The following TAFA1 variants were observed in gnomAD, a reference collection of about 807,000 sequenced individuals.
TAFA1 encodes chemokine-like protein TAFA-1.
Under a neutral mutation model 18.5 loss-of-function variants are expected in TAFA1, and 4 were observed. The observed-to-expected ratio is 0.22, with a 90% confidence interval of 0.11 to 0.49. The LOEUF is 0.49. Among genes scored for constraint, TAFA1 ranks in the 20% least tolerant of loss-of-function variants. The probability of loss-of-function intolerance (pLI) is 0.98; values close to 1 mark genes in which losing one functional copy is unlikely to be tolerated. For synonymous variants in TAFA1, 56 were observed against 55.2 expected (o/e 1.01, Z -0.06); for missense variants, 147 against 169.0 (o/e 0.87, Z 0.72).
At chr3:68,461,548 A>G (rs780039620) in intron 3 of TAFA1, among the ~76,000 whole-genome samples, 10 of 151,576 alleles carry the variant, frequency 6.6e-5, no homozygotes, top group Middle Eastern at 6.8e-3. Context: ...GAAGCTTTCA[A>G]TTAGTATACC....
chr3:68,348,569 A>G (rs115798242), intron 2 of TAFA1, among the ~76,000 whole-genome samples: 2,091 of 152,254 alleles, frequency 0.014, 49 homozygotes, highest in African/African-American at 0.048. Context: ...CAGATGTTAG[A>G]GGAGGGAACA....
upstream of TAFA1, among the ~76,000 whole-genome samples, chr3:68,002,681 T>A (rs1400307154): frequency 6.6e-6 from 1 of 152,226 alleles, no homozygotes; most frequent in Non-Finnish European, 1.5e-5. Flanking sequence ...TTTTTGGATT[T>A]TTTTTCCATT....
intron 2 of TAFA1, among the ~76,000 whole-genome samples, chr3:68,270,129 G>A (rs930053052): frequency 6.6e-6 from 1 of 152,126 alleles, no homozygotes; most frequent in African/African-American, 2.4e-5. Context: ...TTTGACGGAA[G>A]TAGATTTCAA....
intron 3 of TAFA1, among the ~76,000 whole-genome samples, chr3:68,494,511 C>T (rs1242024881): frequency 6.6e-6 from 1 of 152,134 alleles, no homozygotes; most frequent in Non-Finnish European, 1.5e-5. Context: ...GCAGGTGTGG[C>T]CTGAAAGTTC....
chr3:68,088,096 G>C (rs970884337), intron 2 of TAFA1, among the ~76,000 whole-genome samples: 1 of 152,048 alleles, frequency 6.6e-6, no homozygotes, highest in African/African-American at 2.4e-5. Context: ...TTTATCATCA[G>C]TGACAAGGTT....
chr3:68,023,829 A>G (rs904179435), intron 2 of TAFA1, among the ~76,000 whole-genome samples: 2 of 152,152 alleles, frequency 1.3e-5, no homozygotes, highest in Non-Finnish European at 2.9e-5. Flanking sequence ...CATATGGCCC[A>G]GCTCCTCATT....
chr3:68,455,453 A>G (rs2071644362), intron 3 of TAFA1, among the ~76,000 whole-genome samples: 1 of 152,206 alleles, frequency 6.6e-6, no homozygotes, highest in Non-Finnish European at 1.5e-5. Context: ...AAGAAGTCAA[A>G]GCAGTCTTCA....
At chr3:68,077,914 T>C (rs935029460) in intron 2 of TAFA1, among the ~76,000 whole-genome samples, 1 of 152,162 alleles carries the variant, frequency 6.6e-6, no homozygotes, top group African/African-American at 2.4e-5. Flanking sequence ...ATGGACACTT[T>C]CACGATATTG....
intron 2 of TAFA1, among the ~76,000 whole-genome samples, chr3:68,139,288 A>G (rs2065642646): frequency 6.6e-6 from 1 of 152,328 alleles, no homozygotes; most frequent in Non-Finnish European, 1.5e-5. Flanking sequence ...AATACACACC[A>G]CTGGAAGTTA....
chr3:68,070,565 T>C (rs888894462), intron 2 of TAFA1, among the ~76,000 whole-genome samples: 1 of 152,254 alleles, frequency 6.6e-6, no homozygotes, highest in Admixed American at 6.5e-5. Context: ...TAGTTACTTA[T>C]GTAAATTTCT....
intron 2 of TAFA1, among the ~76,000 whole-genome samples, chr3:68,280,230 C>T (rs1224155765): frequency 6.6e-6 from 1 of 152,118 alleles, no homozygotes; most frequent in East Asian, 1.9e-4. Flanking sequence ...CAACAGTGAC[C>T]TTTATAACAC....
At chr3:68,380,389 G>A (rs1456167158) in intron 2 of TAFA1, among the ~76,000 whole-genome samples, 3 of 152,196 alleles carry the variant, frequency 2.0e-5, no homozygotes, top group Non-Finnish European at 2.9e-5. Flanking sequence ...CACCAACAGT[G>A]TAAAAGTGTT....
At chr3:68,408,828 G>T (rs957549794) in intron 2 of TAFA1, among the ~76,000 whole-genome samples, 1 of 152,162 alleles carries the variant, frequency 6.6e-6, no homozygotes, top group Non-Finnish European at 1.5e-5. Context: ...AGTTCAGCTT[G>T]CTAAGAGAAC....
chr3:68,001,449 T>C (rs1704282683), upstream of TAFA1, among the ~76,000 whole-genome samples: 5 of 152,192 alleles, frequency 3.3e-5, no homozygotes, highest in South Asian at 1.0e-3. Flanking sequence ...AGATTCAAAT[T>C]ATAGTATAGA....
At chr3:68,141,915 T>G (rs559998515) in intron 2 of TAFA1, among the ~76,000 whole-genome samples, 1 of 152,324 alleles carries the variant, frequency 6.6e-6, no homozygotes, top group African/African-American at 2.4e-5. Flanking sequence ...AAGAACCAGT[T>G]CAGCAAATTT....
chr3:68,314,695 T>G (rs1294757974), intron 2 of TAFA1, among the ~76,000 whole-genome samples: 4 of 152,076 alleles, frequency 2.6e-5, no homozygotes, highest in African/African-American at 4.8e-5. Context: ...CTTTTATATA[T>G]GAAATCTTAA....
At chr3:68,255,127 A>G (rs2107176068) in intron 2 of TAFA1, among the ~76,000 whole-genome samples, 1 of 152,310 alleles carries the variant, frequency 6.6e-6, no homozygotes, top group Admixed American at 6.5e-5. Flanking sequence ...GATGAAGAGT[A>G]TTCATTCATC....
intron 2 of TAFA1, among the ~76,000 whole-genome samples, chr3:68,207,575 G>A (rs757438846): frequency 6.6e-6 from 1 of 151,930 alleles, no homozygotes; most frequent in African/African-American, 2.4e-5. Context: ...AGCAGTCACT[G>A]TTTAATCAAG....
chr3:68,077,733 C>A (rs184110973), intron 2 of TAFA1, among the ~76,000 whole-genome samples: 6,002 of 151,320 alleles, frequency 0.04, 213 homozygotes, highest in East Asian at 0.1. Flanking sequence ...AGTTTGAAGT[C>A]AGGTAGTGTG....
Sources: gnomAD v4.1 joint callset for allele counts (sites outside exome capture counted in the v4.1 genomes callset) on GRCh38, gnomAD v4.1.1 for gene constraint, MANE v1.5 for transcripts, NCBI Gene and HGNC (gene_info 2026-07-23, HGNC 2026-07-21) for gene names.